Variants in C12orf50 observed in about 807,000 individuals in gnomAD.
The protein encoded by C12orf50 is zinc finger CCCH-type containing 11D.
A neutral mutation model predicts 61.6 loss-of-function variants in C12orf50; 35 were observed. The observed-to-expected ratio is 0.57, with a 90% CI of 0.43 to 0.75. The LOEUF (loss-of-function observed/expected upper bound fraction) is 0.75, where lower values mean the gene tolerates loss of function less well. C12orf50 is among the 30% of genes least tolerant of loss of function. The pLI is 0.00. For missense variants in C12orf50, 475 were observed against 488.5 expected (o/e 0.97, Z 0.26); for synonymous variants, 178 against 161.5 (o/e 1.10, Z -0.77).
chr12:87,987,795 T>G (rs2030901872), intron 9 of C12orf50, 55 bp downstream of exon 9: 1 of 1,127,954 alleles, frequency 8.9e-7, no homozygotes, highest in Non-Finnish European at 1.3e-6. Context: ...GCAAAACAAA[T>G]CCATGGTAAG....
intron 3 of C12orf50, among the ~76,000 whole-genome samples, chr12:88,005,041 T>TAAAAGTTAA (rs2031803851): frequency 2.0e-5 from 3 of 151,908 alleles, no homozygotes; most frequent in Admixed American, 6.6e-5. Flanking sequence ...GAAGTCAAAA[T>TAAAAGTTAA]AAAAGTTAAA....
rs747323409 is a variant in C12orf50 at position 88,027,020 on chromosome 12, A to C, written c.-58T>G. The C allele has an allele frequency of 6.2e-7, 1 of 1,613,954 alleles. No individual in the cohort carries two copies. The highest frequency in any genetic ancestry group is 8.5e-7 in the Non-Finnish European group (1 of 1,179,946). ...TCCTCTCTCTCCATAATGAGCACACAGTGTCACTGCCAAGGGCCTCTTCAC... is the reference window on the plus strand; with the variant it reads ...TCCTCTCTCTCCATAATGAGCACACCGTGTCACTGCCAAGGGCCTCTTCAC... On this transcript the variant is annotated 5_prime_UTR_variant, in exon 2 of 13. Coordinates refer to ENST00000298699, the MANE Select transcript of C12orf50 (RefSeq NM_152589.3).
At chr12:88,011,143 G>A (rs2032094368) in intron 3 of C12orf50, among the ~76,000 whole-genome samples, 1 of 151,990 alleles carries the variant, frequency 6.6e-6, no homozygotes, top group Non-Finnish European at 1.5e-5. Context: ...ATATTATGTA[G>A]TGATTACCTA....
chr12:88,029,079 G>A (rs1263561260), intron 1 of C12orf50: 1 of 1,284,116 alleles, frequency 7.8e-7, no homozygotes, highest in Non-Finnish European at 1.0e-6. Flanking sequence ...TTATGCATGT[G>A]GAATTAAAAA....
At chr12:87,997,347 A>T (rs1447402721) in intron 4 of C12orf50, among the ~76,000 whole-genome samples, 1 of 152,128 alleles carries the variant, frequency 6.6e-6, no homozygotes, top group South Asian at 2.1e-4. Flanking sequence ...AACATATATA[A>T]AAAACATAGC....
At chr12:87,993,122 T>A (rs2031201577) in intron 7 of C12orf50, among the ~76,000 whole-genome samples, 1 of 152,182 alleles carries the variant, frequency 6.6e-6, no homozygotes, top group Non-Finnish European at 1.5e-5. Flanking sequence ...GTTTTTCAAC[T>A]AGTTCATTAC....
chr12:88,004,054 A>AT (rs956808191), intron 3 of C12orf50, among the ~76,000 whole-genome samples: 5 of 150,932 alleles, frequency 3.3e-5, no homozygotes, highest in African/African-American at 1.2e-4. Flanking sequence ...CCCTTATAGT[A>AT]TTTTTTTCCC....
chr12:88,012,318 T>C lies in C12orf50; in HGVS notation c.134-14128A>G, dbSNP rs2032141573. Among the ~76,000 whole-genome samples the C allele has an allele frequency of 3.3e-5, 5 of 152,334 alleles. No homozygotes were observed. The South Asian group carries it at 1.0e-3, about 32-fold the overall frequency. ...TCATAAATGCAATCATAATGCAGTATTTCCTACTCCCATAAATACCTCCAT... is the reference window on the plus strand; with the variant it reads ...TCATAAATGCAATCATAATGCAGTACTTCCTACTCCCATAAATACCTCCAT... On this transcript the variant is annotated intron_variant, in intron 3 of 12. Transcript: ENST00000298699.
chr12:88,005,301 T>TC (rs1289705691), intron 3 of C12orf50, among the ~76,000 whole-genome samples: 1 of 152,214 alleles, frequency 6.6e-6, no homozygotes. Flanking sequence ...ATTTATTTTC[T>TC]CCCACAATAT....
chr12:88,006,481 A>T (rs1373942384), intron 3 of C12orf50, among the ~76,000 whole-genome samples: 1 of 152,210 alleles, frequency 6.6e-6, no homozygotes, highest in African/African-American at 2.4e-5. Context: ...AAGAGCAAGG[A>T]CAGTCACTTA....
At chr12:87,991,415 G>A (rs567752364) in intron 7 of C12orf50, among the ~76,000 whole-genome samples, 7 of 152,036 alleles carry the variant, frequency 4.6e-5, no homozygotes, top group African/African-American at 1.7e-4. Flanking sequence ...AACTGATGGA[G>A]AATTTAAGTA....
At chr12:88,023,452 T>C (rs1313387700) in intron 3 of C12orf50, among the ~76,000 whole-genome samples, 1 of 150,320 alleles carries the variant, frequency 6.7e-6, no homozygotes, top group Non-Finnish European at 1.5e-5. Flanking sequence ...GATCACAAGG[T>C]CAGGAGATTG....
At chr12:87,982,135 G>A (rs2030512849) in intron 12 of C12orf50, among the ~76,000 whole-genome samples, 1 of 152,038 alleles carries the variant, frequency 6.6e-6, no homozygotes, top group Non-Finnish European at 1.5e-5. Context: ...CCCATAGGAG[G>A]ATCATAGGAG....
intron 7 of C12orf50, among the ~76,000 whole-genome samples, chr12:87,992,452 C>T (rs79717926): frequency 0.023 from 3,468 of 151,998 alleles, 140 homozygotes; most frequent in African/African-American, 0.078. Context: ...CGTTTGTTTT[C>T]ATATATATGT....
intron 7 of C12orf50, 102 bp downstream of exon 7, chr12:87,994,531 A>G (rs542205138): frequency 2.3e-6 from 2 of 869,728 alleles, no homozygotes; most frequent in East Asian, 2.6e-5. Context: ...TGTGTTAAAC[A>G]TGACATGGAC....
In C12orf50 at chr12:87,987,944, T is replaced by C; in HGVS notation, c.723A>G (p.Pro241=). The change falls in exon 9 of 13, where the codon CCA becomes CCG. Residue 241 remains proline, a synonymous_variant. Transcript: ENST00000298699. ...NTKDNKDSPH[P]KHSLTTRLVP... The stretch of plus-strand genomic sequence containing the variant: ...CTAGTCGGGTAGTTAGGGAATGCTT[T>C]GGATGAGGACTGTCCTTGTTATCTT... The C allele has an allele frequency of 6.2e-7, 1 of 1,608,200 alleles. No individual in the cohort carries two copies. The highest frequency in any genetic ancestry group is 8.5e-7 in the Non-Finnish European group (1 of 1,175,266).
intron 3 of C12orf50, among the ~76,000 whole-genome samples, chr12:87,998,675 A>T (rs1241460781): frequency 6.6e-6 from 1 of 151,620 alleles, no homozygotes; most frequent in African/African-American, 2.4e-5. Flanking sequence ...TGAGAAGCTG[A>T]TTCTAAAATT....
chr12:87,987,045 T>G (rs1393946016), intron 9 of C12orf50, among the ~76,000 whole-genome samples: 2 of 152,174 alleles, frequency 1.3e-5, no homozygotes, highest in African/African-American at 4.8e-5. Context: ...AACAATTTTG[T>G]AGAGGGGGCA....
At position 88,026,952 on chromosome 12, in the gene C12orf50, T is replaced by A; in HGVS notation, c.11A>T (p.Gln4Leu). The A allele has an allele frequency of 6.2e-7, 1 of 1,610,308 alleles. No individual in the cohort carries two copies. Among genetic ancestry groups the A allele is most frequent in the Non-Finnish European group, 8.5e-7 (1 of 1,179,118 alleles). Residue 4 changes from glutamine (Q) to leucine (L), a missense_variant and splice_region_variant, in exon 2 of 13, where the codon CAG becomes CTG. By Grantham distance (113) the Gln-to-Leu change is moderately radical. Coordinates refer to ENST00000298699, the MANE Select transcript of C12orf50 (RefSeq NM_152589.3). MEM[Q>L]QNCSISCFWE... is the part of the protein sequence containing the mutation. ...AATGATGACGCCAAGTAATTCTACC[T>A]GCATTTCCATGTGTCTAAATCTGCA...
Sources: gnomAD v4.1 joint callset for allele counts (sites outside exome capture counted in the v4.1 genomes callset) on GRCh38, gnomAD v4.1.1 for gene constraint, MANE v1.5 for transcripts, NCBI Gene and HGNC (gene_info 2026-07-23, HGNC 2026-07-21) for gene names.